The following SLC1A1 variants were observed in gnomAD, a reference collection of about 807,000 sequenced individuals.
SLC1A1 encodes the protein excitatory amino acid transporter 3.
In SLC1A1, 43 loss-of-function variants were observed where a neutral mutation model predicts 53.3. The observed-to-expected ratio is 0.81, with a 90% confidence interval of 0.63 to 1.04. The LOEUF is 1.04. SLC1A1 is among the 50% of genes least tolerant of loss of function. SLC1A1 has a pLI of 0.00. For synonymous variants in SLC1A1, 307 were observed against 243.2 expected, an observed-to-expected ratio of 1.26 and a Z score of -2.44; for missense variants, 748 against 664.9, an observed-to-expected ratio of 1.12 and a Z score of -1.37.
chr9:4,498,874 A>C (rs540806181), intron 1 of SLC1A1, among the ~76,000 whole-genome samples: 261 of 148,008 alleles, frequency 1.8e-3, no homozygotes, highest in Non-Finnish European at 3.2e-3. Flanking sequence ...AAATACTGAG[A>C]GATATGTGGT....
At chr9:4,561,222 A>G (rs997821920) in intron 2 of SLC1A1, among the ~76,000 whole-genome samples, 2 of 152,190 alleles carry the variant, frequency 1.3e-5, no homozygotes, top group Non-Finnish European at 2.9e-5. Context: ...CTGGAGGTGA[A>G]GGCTGTGGGA....
In SLC1A1 at chr9:4,577,200, A is replaced by C. The variant is rs987787056; in HGVS notation, c.1193+437A>C. 3.3e-5 allele frequency among the ~76,000 whole-genome samples: 5 copies of C among 152,238 alleles called. No individual in the cohort carries two copies. In the East Asian group the frequency reaches 9.6e-4, roughly 29 times the overall value. ...GGGAAGGTGAACGATGGCTTCCCAG[A>C]GGAGGGGAACATTTAGCTGAATCTT... is the stretch of plus-strand genomic sequence containing the variant. On this transcript the variant is annotated intron_variant, in intron 10 of 11. Coordinates refer to ENST00000262352, the MANE Select transcript of SLC1A1 (RefSeq NM_004170.6).
intron 1 of SLC1A1, among the ~76,000 whole-genome samples, chr9:4,522,497 T>C (rs1816114143): frequency 6.6e-6 from 1 of 152,212 alleles, no homozygotes; most frequent in Non-Finnish European, 1.5e-5. Context: ...TCCTCTTTCT[T>C]TTCATGCCTT....
At chr9:4,510,215 C>A (rs1461663822) in intron 1 of SLC1A1, among the ~76,000 whole-genome samples, 1 of 152,152 alleles carries the variant, frequency 6.6e-6, no homozygotes, top group African/African-American at 2.4e-5. Context: ...GCTTCCACAG[C>A]CTCTAGCTAT....
intron 1 of SLC1A1, among the ~76,000 whole-genome samples, chr9:4,502,875 G>A (rs527637300): frequency 6.6e-6 from 1 of 151,492 alleles, no homozygotes; most frequent in Non-Finnish European, 1.5e-5. Flanking sequence ...TCTTTATTGC[G>A]TGTGGTTAGT....
intron 1 of SLC1A1, among the ~76,000 whole-genome samples, chr9:4,519,399 A>G (rs535034626): frequency 8.1e-4 from 123 of 152,356 alleles, no homozygotes; most frequent in African/African-American, 2.8e-3. Flanking sequence ...TCAAAAAGCA[A>G]GAGGATTTAA....
Position 4,576,581 on chromosome 9 carries a change from G to A in SLC1A1, c.1011G>A (p.Leu337=). ...ALMISSSSAT[L]PVTFRCAEEN... ...TTTTATCACACAGTTCAGCAACACT[G>A]CCTGTCACCTTCCGCTGTGCTGAAG... Residue 337 remains leucine (L), a synonymous_variant, in exon 10 of 12, where the codon CTG becomes CTA. Transcript: ENST00000262352. 3.7e-6 allele frequency: 6 copies of A among 1,614,010 alleles called. No individual in the cohort carries two copies. The highest frequency in any genetic ancestry group is 5.1e-6 in the Non-Finnish European group (6 of 1,179,836).
At chr9:4,542,708 A>T (rs564494171) in intron 1 of SLC1A1, among the ~76,000 whole-genome samples, 1 of 152,338 alleles carries the variant, frequency 6.6e-6, no homozygotes, top group African/African-American at 2.4e-5. Context: ...GTTCATATAG[A>T]ACAGCTGAAC....
At chr9:4,544,350 T>C (rs1288163396) in intron 1 of SLC1A1, among the ~76,000 whole-genome samples, 1 of 152,226 alleles carries the variant, frequency 6.6e-6, no homozygotes, top group Non-Finnish European at 1.5e-5. Flanking sequence ...CTTTCATGTA[T>C]AGAATACTTT....
intron 1 of SLC1A1, among the ~76,000 whole-genome samples, chr9:4,536,858 C>A (rs894922169): frequency 5.3e-5 from 8 of 152,168 alleles, no homozygotes; most frequent in Admixed American, 5.2e-4. Context: ...GAATACTATG[C>A]AGCCATAAAA....
At chr9:4,513,151 G>C (rs1436549220) in intron 1 of SLC1A1, among the ~76,000 whole-genome samples, 1 of 151,954 alleles carries the variant, frequency 6.6e-6, no homozygotes, top group East Asian at 1.9e-4. Context: ...CTGGAGTTAG[G>C]CAAAGAGATC....
chr9:4,495,327 C>T (rs1820378563), intron 1 of SLC1A1, among the ~76,000 whole-genome samples: 1 of 152,170 alleles, frequency 6.6e-6, no homozygotes, highest in Admixed American at 6.5e-5. Flanking sequence ...ATGTATCAGA[C>T]CCCCACTGTG....
chr9:4,573,331 C>T (rs1193991373), intron 7 of SLC1A1, among the ~76,000 whole-genome samples: 1 of 152,150 alleles, frequency 6.6e-6, no homozygotes, highest in Non-Finnish European at 1.5e-5. Context: ...CTGCAGAAAC[C>T]TCAGCTTCAT....
chr9:4,535,418 A>T (rs1158216527), intron 1 of SLC1A1, among the ~76,000 whole-genome samples: 3 of 152,198 alleles, frequency 2.0e-5, no homozygotes, highest in Non-Finnish European at 4.4e-5. Context: ...CCAATAACAG[A>T]CAAACAGAGA....
intron 10 of SLC1A1, among the ~76,000 whole-genome samples, chr9:4,582,209 AG>A (rs1430944798): frequency 6.6e-6 from 1 of 152,354 alleles, no homozygotes; most frequent in East Asian, 1.9e-4. Context: ...CACATTACAA[AG>A]AAAAAAATCC....
intron 1 of SLC1A1, among the ~76,000 whole-genome samples, chr9:4,500,860 G>A (rs1820607288): frequency 6.6e-6 from 1 of 152,094 alleles, no homozygotes; most frequent in African/African-American, 2.4e-5. Context: ...ATACTTTCTG[G>A]GATGGACAGA....
chr9:4,570,639 G>A (rs761790383), intron 6 of SLC1A1, among the ~76,000 whole-genome samples: 7 of 152,154 alleles, frequency 4.6e-5, no homozygotes, highest in Non-Finnish European at 1.0e-4. Context: ...CCAAAATGCT[G>A]GGATTACAGG....
chr9:4,544,622 A>G lies in SLC1A1; in HGVS notation c.147A>G (p.Lys49=), dbSNP rs1175245696. Reference sequence around the variant, plus strand: ...ACAGCAACCTCTCAACTCTAGAGAAATTCTACTTTGCTTTTCCTGGAGAAA... The same window carrying G: ...ACAGCAACCTCTCAACTCTAGAGAAGTTCTACTTTGCTTTTCCTGGAGAAA... The part of the protein sequence containing the change: ...REHSNLSTLE[K]FYFAFPGEIL... The change falls in exon 2 of 12, where the codon AAA becomes AAG. Residue 49 remains lysine (K), a synonymous_variant. Transcript: ENST00000262352. The G allele has an allele frequency of 6.2e-7, 1 of 1,613,608 alleles. No individual in the cohort carries two copies.
At position 4,556,430 on chromosome 9, in the gene SLC1A1, TC is replaced by T. The variant is rs149977570; in HGVS notation, c.233-5018del. On this transcript the variant is annotated intron_variant, in intron 2 of 11. Coordinates refer to ENST00000262352, the MANE Select transcript of SLC1A1 (RefSeq NM_004170.6). The surrounding 1 kb of genome is among the most constrained non-coding windows in gnomAD (Gnocchi z 4.1). ...GCAGATGCCATCACACCTGCTTAGT[TC>T]ATTCTCATTTATCACCCCCTATAGG... Among the ~76,000 whole-genome samples the T allele has an allele frequency of 6.3e-3, 965 of 152,322 alleles. 16 individuals carry two copies. Among genetic ancestry groups the T allele is most frequent in the African/African-American group, 0.022 (925 of 41,566 alleles).
Sources: allele counts gnomAD v4.1 joint callset (sites outside exome capture counted in the v4.1 genomes callset), GRCh38; gene constraint gnomAD v4.1.1; non-coding constraint Gnocchi (gnomAD v3.1); transcripts MANE v1.5; gene names NCBI Gene and HGNC (gene_info 2026-07-23, HGNC 2026-07-21).